BIK: variants seen among roughly 807,000 people sequenced by gnomAD.
BIK encodes BCL2 interacting killer.
Under a neutral mutation model 12.1 loss-of-function variants are expected in BIK, and 14 were observed. The observed-to-expected ratio is 1.16, with a 90% CI of 0.77 to 1.81. The LOEUF is 1.81. BIK is among the 40% of genes most tolerant of loss of function. The pLI, the probability that BIK is intolerant of heterozygous loss-of-function variation, is 0.00. For synonymous variants in BIK, 86 were observed against 92.3 expected, an observed-to-expected ratio of 0.93 and a Z score of 0.39; for missense variants, 215 against 207.9, an observed-to-expected ratio of 1.03 and a Z score of -0.21.
At chr22:43,113,643 C>T (rs1412161606) in intron 1 of BIK, among the ~76,000 whole-genome samples, 4 of 152,136 alleles carry the variant, frequency 2.6e-5, no homozygotes, top group African/African-American at 7.2e-5. Flanking sequence ...TTTCTGATCC[C>T]GTCTCAACGG....
Position 43,128,495 on chromosome 22 carries a change from GC to G in BIK, c.262del (p.Leu88TrpfsTer31). The G allele has an allele frequency of 6.2e-7, 1 of 1,613,528 alleles. No individual in the cohort carries two copies. Among genetic ancestry groups the G allele is most frequent in the Non-Finnish European group, 8.5e-7 (1 of 1,179,502 alleles). On this transcript the variant is annotated frameshift_variant and splice_region_variant, in exon 4 of 5. Transcript: ENST00000216115. LOFTEE classifies it high-confidence loss of function. ...TGTCCCCCCATCCTCTTTGTCTATA[GC>G]CTGGGTCTGGCTTTCATCTACGACC... ...LAQLSEVAMH[S>X]LGLAFIYDQT...
chr22:43,128,240 A>G (rs1930359818), intron 3 of BIK, among the ~76,000 whole-genome samples: 1 of 152,122 alleles, frequency 6.6e-6, no homozygotes, highest in African/African-American at 2.4e-5. Context: ...TCTGGAAGAC[A>G]GGGCCAAACA....
Position 43,124,439 on chromosome 22 carries a change from G to A in BIK, c.161+256G>A, listed in dbSNP as rs180833534. 1.6e-4 allele frequency among the ~76,000 whole-genome samples: 24 copies of A among 152,318 alleles called. No individual in the cohort carries two copies. The East Asian group carries it at 4.3e-3, about 27-fold the overall frequency. The stretch of plus-strand genomic sequence containing the variant: ...TTCACAGTCTCAAGATGGACCTGGG[G>A]CCCCTGGCTGTCAAAATGGCACAGT... On this transcript the variant is annotated intron_variant, in intron 2 of 4. Transcript: ENST00000216115.
At chr22:43,125,008 G>A (rs535896644) in intron 2 of BIK, among the ~76,000 whole-genome samples, 119 of 152,264 alleles carry the variant, frequency 7.8e-4, no homozygotes, top group Admixed American at 1.6e-3. Context: ...ATGAGTTTCC[G>A]GGTAAGGGGT....
chr22:43,124,237 G>C, intron 2 of BIK, 54 bp downstream of exon 2: 1 of 1,593,018 alleles, frequency 6.3e-7, no homozygotes, highest in Non-Finnish European at 8.6e-7. Context: ...TCAGGGGTGG[G>C]CTGGATGAGC....
At chr22:43,124,499 G>A (rs376519069) in intron 2 of BIK, among the ~76,000 whole-genome samples, 5 of 152,302 alleles carry the variant, frequency 3.3e-5, no homozygotes, top group African/African-American at 1.2e-4. Flanking sequence ...GGCCCTTAGC[G>A]ACCTGCTGAG....
chr22:43,117,752 ACTC>A (rs950720997), intron 1 of BIK, among the ~76,000 whole-genome samples: 3 of 117,228 alleles, frequency 2.6e-5, no homozygotes, highest in Non-Finnish European at 5.4e-5. Flanking sequence ...CTCACTGCAA[ACTC>A]CTCCTCCCAG....
chr22:43,113,939 C>T (rs1042219231), intron 1 of BIK, among the ~76,000 whole-genome samples: 2 of 152,206 alleles, frequency 1.3e-5, no homozygotes, highest in African/African-American at 4.8e-5. Context: ...GAACTGGACA[C>T]ATGTGGCCAC....
At chr22:43,113,668 G>A (rs994324782) in intron 1 of BIK, among the ~76,000 whole-genome samples, 3 of 152,202 alleles carry the variant, frequency 2.0e-5, no homozygotes, top group Non-Finnish European at 4.4e-5. Context: ...ATGTAATTGA[G>A]GAAGGGCTTG....
At chr22:43,129,023 C>G (rs902414432) in intron 4 of BIK, among the ~76,000 whole-genome samples, 190 bp from the exon 5 acceptor site, 1 of 152,244 alleles carries the variant, frequency 6.6e-6, no homozygotes, top group East Asian at 1.9e-4. Context: ...AGGCCCAGGC[C>G]ACGCTGGCCT....
At position 43,129,643 on chromosome 22, in the gene BIK, C is replaced by T. The variant is rs1048929364; in HGVS notation, c.*338C>T. 6.0e-6 allele frequency: 2 copies of T among 332,640 alleles called. No individual in the cohort carries two copies. The highest frequency in any genetic ancestry group is 9.0e-5 in the South Asian group (2 of 22,126). The allele number at this position is 332,640 out of a possible 1,614,324, so 20.6% of individuals were successfully genotyped here. ...CACACCCCTGTGTGATATGTGATGC[C>T]CTCGGCAAAGAATCTACTGGAATAG... On this transcript the variant is annotated 3_prime_UTR_variant, in exon 5 of 5. Coordinates refer to ENST00000216115, the MANE Select transcript of BIK (RefSeq NM_001197.5).
intron 1 of BIK, among the ~76,000 whole-genome samples, chr22:43,115,899 G>A (rs1930103589): frequency 6.6e-6 from 1 of 152,078 alleles, no homozygotes; most frequent in African/African-American, 2.4e-5. Context: ...TTGGACTACA[G>A]GTGCCCGCCA....
intron 1 of BIK, among the ~76,000 whole-genome samples, chr22:43,114,899 C>T (rs1230903486): frequency 6.6e-6 from 1 of 152,210 alleles, no homozygotes; most frequent in Non-Finnish European, 1.5e-5. Context: ...TCCCTCCTGC[C>T]CTTTAACAGA....
At chr22:43,116,197 ATT>A (rs1930109903) in intron 1 of BIK, among the ~76,000 whole-genome samples, 2 of 152,212 alleles carry the variant, frequency 1.3e-5, no homozygotes, top group Admixed American at 1.3e-4. Flanking sequence ...AGTCAAGAGA[ATT>A]ATTAGTCTGT....
chr22:43,122,291 C>T (rs1930235275), intron 1 of BIK, among the ~76,000 whole-genome samples: 1 of 152,118 alleles, frequency 6.6e-6, no homozygotes, highest in Non-Finnish European at 1.5e-5. Context: ...TTAAGAACAC[C>T]CAGGGCATTA....
intron 2 of BIK, 122 bp downstream of exon 2, chr22:43,124,305 G>C: frequency 1.6e-6 from 2 of 1,228,248 alleles, no homozygotes; most frequent in South Asian, 1.4e-5. Flanking sequence ...GCCTCCGAGA[G>C]GAAGATTTCC....
Position 43,129,416 on chromosome 22 carries a change from T to C in BIK, c.*111T>C. 3.5e-6 allele frequency: 5 copies of C among 1,427,770 alleles called. No homozygotes were observed. Among genetic ancestry groups the C allele is most frequent in the South Asian group, 2.9e-5 (2 of 69,696 alleles). The allele number at this position is 1,427,770 out of a possible 1,614,324, so 88.4% of individuals were successfully genotyped here. A position where few individuals can be genotyped will look rare whatever the true frequency, so the allele number is the denominator to read the frequency against. ...TGTTTTCTCATGATGCCTTTTTATA[T>C]TTAAACCCCGAGATAGTGCTGGAAC... On this transcript the variant is annotated 3_prime_UTR_variant, in exon 5 of 5. Transcript: ENST00000216115.
At chr22:43,122,020 C>T (rs183498586) in intron 1 of BIK, among the ~76,000 whole-genome samples, 4 of 152,340 alleles carry the variant, frequency 2.6e-5, no homozygotes, top group East Asian at 1.9e-4. Context: ...CGTGAGCCAC[C>T]GCACCCGGCC....
chr22:43,127,842 G>T, intron 3 of BIK, 47 bp downstream of exon 3: 1 of 1,513,194 alleles, frequency 6.6e-7, no homozygotes, highest in Non-Finnish European at 8.9e-7. Flanking sequence ...AGGGGCCCTG[G>T]GCGGTGGGTG....
Sources: allele counts gnomAD v4.1 joint callset (sites outside exome capture counted in the v4.1 genomes callset), GRCh38; gene constraint gnomAD v4.1.1; transcripts MANE v1.5; gene names NCBI Gene and HGNC (gene_info 2026-07-23, HGNC 2026-07-21).